The following PTPRD variants were observed in gnomAD, a reference collection of about 807,000 sequenced individuals.
The protein encoded by PTPRD is receptor-type tyrosine-protein phosphatase delta.
Under a neutral mutation model 214.5 loss-of-function variants are expected in PTPRD, and 34 were observed. That is an observed-to-expected ratio of 0.16 (90% CI 0.12 to 0.21). The LOEUF is 0.21. Ranked by LOEUF, PTPRD falls within the 10% of genes least tolerant of loss-of-function variation. The pLI, the probability that PTPRD is intolerant of heterozygous loss-of-function variation, is 1.00. For synonymous variants in PTPRD, 1,128 were observed against 845.7 expected (o/e 1.33, Z -5.79); for missense variants, 2,545 against 2,398.7 (o/e 1.06, Z -1.27).
At chr9:8,530,317 T>C (rs1308452450) in intron 14 of PTPRD, among the ~76,000 whole-genome samples, 3 of 152,016 alleles carry the variant, frequency 2.0e-5, no homozygotes, top group Non-Finnish European at 1.5e-5. Context: ...ATCAACTCTC[T>C]CATAGGAAAT....
chr9:8,869,360 C>G (rs2098253988), intron 11 of PTPRD, among the ~76,000 whole-genome samples: 1 of 152,142 alleles, frequency 6.6e-6, no homozygotes, highest in Non-Finnish European at 1.5e-5. Flanking sequence ...ATAAGAGGTA[C>G]AGTATCCACA....
intron 4 of PTPRD, among the ~76,000 whole-genome samples, chr9:10,026,310 A>G (rs1463229298): frequency 6.6e-6 from 1 of 152,090 alleles, no homozygotes; most frequent in East Asian, 1.9e-4. Flanking sequence ...TTCTTAGACT[A>G]CTAGCCTACA....
Position 10,494,573 on chromosome 9 carries a change from T to C in PTPRD, c.-600+117825A>G, listed in dbSNP as rs191145575. 5.0e-3 allele frequency among the ~76,000 whole-genome samples: 751 copies of C among 151,236 alleles called. 8 individuals carry two copies. The highest frequency in any genetic ancestry group is 0.016 in the South Asian group (76 of 4,814). On this transcript the variant is annotated intron_variant, in intron 2 of 45. Coordinates refer to ENST00000381196, the MANE Select transcript of PTPRD (RefSeq NM_002839.4). Reference sequence around the variant, plus strand: ...CCAGCATTATAATTTTTTTGTTTTGTTTACCTGCTGTATGTAAGGGAAGAT... The same window carrying C: ...CCAGCATTATAATTTTTTTGTTTTGCTTACCTGCTGTATGTAAGGGAAGAT...
At chr9:10,141,513 A>G (rs1280029575) in intron 3 of PTPRD, among the ~76,000 whole-genome samples, 1 of 152,126 alleles carries the variant, frequency 6.6e-6, no homozygotes, top group Non-Finnish European at 1.5e-5. Flanking sequence ...TGCTTCAAAG[A>G]GAATAAAATA....
intron 39 of PTPRD, among the ~76,000 whole-genome samples, chr9:8,347,320 A>G (rs2074125509): frequency 6.6e-6 from 1 of 152,080 alleles, no homozygotes; most frequent in Non-Finnish European, 1.5e-5. Flanking sequence ...TTGTTCTTCC[A>G]TCCATATTTG....
At chr9:9,115,553 T>C (rs1227609084) in intron 10 of PTPRD, among the ~76,000 whole-genome samples, 1 of 152,146 alleles carries the variant, frequency 6.6e-6, no homozygotes, top group Non-Finnish European at 1.5e-5. Context: ...CTACAGCCTC[T>C]ATGGAAAACA....
At chr9:10,396,892 T>C (rs1055589178) in intron 2 of PTPRD, among the ~76,000 whole-genome samples, 1 of 151,954 alleles carries the variant, frequency 6.6e-6, no homozygotes, top group Non-Finnish European at 1.5e-5. Flanking sequence ...TAGCTAACAC[T>C]GCAGGCACCT....
intron 4 of PTPRD, among the ~76,000 whole-genome samples, chr9:9,965,042 T>C (rs139637036): frequency 5.3e-5 from 8 of 152,290 alleles, no homozygotes; most frequent in African/African-American, 1.9e-4. Context: ...CAATGTGTAA[T>C]AAATTAAGTC....
chr9:9,765,871 C>G (rs1221543718), intron 6 of PTPRD, among the ~76,000 whole-genome samples: 1 of 152,178 alleles, frequency 6.6e-6, no homozygotes, highest in East Asian at 1.9e-4. Context: ...ACCGTGTTAG[C>G]CAGGATGGTC....
intron 37 of PTPRD, among the ~76,000 whole-genome samples, chr9:8,381,021 C>T (rs555316836): frequency 6.6e-6 from 1 of 152,236 alleles, no homozygotes; most frequent in South Asian, 2.1e-4. Context: ...ATTGCTAATC[C>T]AAAACGTATT....
At chr9:8,979,505 T>C (rs2099294470) in intron 11 of PTPRD, among the ~76,000 whole-genome samples, 2 of 152,008 alleles carry the variant, frequency 1.3e-5, no homozygotes, top group African/African-American at 4.8e-5. Context: ...GGGACTACTA[T>C]CCAAAATTTA....
chr9:9,722,125 T>C (rs1268989239), intron 7 of PTPRD, among the ~76,000 whole-genome samples: 2 of 152,058 alleles, frequency 1.3e-5, no homozygotes, highest in Non-Finnish European at 2.9e-5. Context: ...TTTTAAAGTA[T>C]ACAATTCAGC....
rs140780527 is a variant in PTPRD, at chr9:10,589,890, T to C, written c.-600+22508A>G. ...ATATTTAGCATGTTTTACAGAAGGC[T>C]AAGAAATGCATAAGCTAGAATATTT... On this transcript the variant is annotated intron_variant, in intron 2 of 45. Coordinates refer to ENST00000381196, the MANE Select transcript of PTPRD (RefSeq NM_002839.4). 2.5e-4 allele frequency among the ~76,000 whole-genome samples: 38 copies of C among 152,206 alleles called. No homozygotes were observed. The East Asian group carries it at 6.0e-3, about 24-fold the overall frequency.
chr9:10,065,191 G>GAAAGAAAGAAAGA (rs1555538041), intron 3 of PTPRD, among the ~76,000 whole-genome samples: 19 of 151,272 alleles, frequency 1.3e-4, no homozygotes, highest in African/African-American at 3.6e-4. Flanking sequence ...AAGAAAGAAA[G>GAAAGAAAGAAAGA]AAAAGGATGC....
intron 9 of PTPRD, among the ~76,000 whole-genome samples, chr9:9,242,401 G>A (rs545309914): frequency 6.6e-6 from 1 of 152,276 alleles, no homozygotes; most frequent in South Asian, 2.1e-4. Context: ...TGCCTTGCTA[G>A]ATTGGGGAAG....
chr9:8,546,303 A>G (rs763904598), intron 14 of PTPRD, among the ~76,000 whole-genome samples: 5 of 152,180 alleles, frequency 3.3e-5, no homozygotes, highest in African/African-American at 4.8e-5. Flanking sequence ...TTAAACTGAC[A>G]TGTGTTTTGT....
At chr9:8,384,024 G>C (rs757368540) in intron 37 of PTPRD, among the ~76,000 whole-genome samples, 1 of 152,128 alleles carries the variant, frequency 6.6e-6, no homozygotes, top group Non-Finnish European at 1.5e-5. Context: ...GTCAAGAGAA[G>C]ATAGATGAAG....
At chr9:9,789,186 G>C (rs1461658494) in intron 5 of PTPRD, among the ~76,000 whole-genome samples, 1 of 152,086 alleles carries the variant, frequency 6.6e-6, no homozygotes, top group East Asian at 1.9e-4. Flanking sequence ...TTCTAAATAG[G>C]AATTACATGT....
chr9:8,483,955 G>A (rs2096944023), intron 30 of PTPRD, among the ~76,000 whole-genome samples, 164 bp downstream of exon 30: 2 of 152,272 alleles, frequency 1.3e-5, no homozygotes, highest in South Asian at 4.1e-4. Context: ...TGAATACTAG[G>A]ACACGTTGTA....
Sources: gnomAD v4.1 joint callset for allele counts (sites outside exome capture counted in the v4.1 genomes callset) on GRCh38, gnomAD v4.1.1 for gene constraint, MANE v1.5 for transcripts, NCBI Gene and HGNC (gene_info 2026-07-23, HGNC 2026-07-21) for gene names.